Variants in TJP2 observed in about 807,000 individuals in gnomAD.
TJP2 encodes tight junction protein 2.
Under a neutral mutation model 133.1 loss-of-function variants are expected in TJP2, and 91 were observed. The observed-to-expected ratio is 0.68, with a 90% CI of 0.58 to 0.81. The LOEUF (loss-of-function observed/expected upper bound fraction) is 0.81, where lower values mean the gene tolerates loss of function less well. Ranked by LOEUF, TJP2 falls within the 40% of genes least tolerant of loss-of-function variation. The probability of loss-of-function intolerance (pLI) is 0.00; values close to 1 mark genes in which losing one functional copy is unlikely to be tolerated. For missense variants in TJP2, 1,541 were observed against 1,565.6 expected, an observed-to-expected ratio of 0.98 and a Z score of 0.26; for synonymous variants, 592 against 583.4, an observed-to-expected ratio of 1.01 and a Z score of -0.21.
chr9:69,166,036 T>C (rs1261817989), intron 2 of TJP2, among the ~76,000 whole-genome samples: 2 of 152,202 alleles, frequency 1.3e-5, no homozygotes, highest in African/African-American at 4.8e-5. Context: ...CCCAGGACTC[T>C]CCCCAAACAC....
chr9:69,174,491 C>CGT (rs2132937552), intron 1 of TJP2, 59 bp downstream of exon 1: 5 of 1,005,162 alleles, frequency 5.0e-6, no homozygotes, highest in Non-Finnish European at 7.2e-6. Flanking sequence ...AGCGTGGGAG[C>CGT]GCTGGGGGCT....
chr9:69,184,281 G>A (rs1173668854), intron 1 of TJP2, among the ~76,000 whole-genome samples: 19 of 152,176 alleles, frequency 1.2e-4, no homozygotes, highest in Admixed American at 1.2e-3. Flanking sequence ...CGCAAAAAAT[G>A]GAAGCCCACC....
Position 69,251,061 on chromosome 9 carries a change from C to G in TJP2, c.3018C>G (p.Ser1006=). ...PKAKTQNKEE[S]YDFSKSYEYK... Reference sequence around the variant, plus strand: ...CCAAAACCCAGAACAAAGAAGAATCCTATGACTTCTCCAAATCCTATGAAT... The same window carrying G: ...CCAAAACCCAGAACAAAGAAGAATCGTATGACTTCTCCAAATCCTATGAAT... The change falls in exon 21 of 23, where the codon TCC becomes TCG. Residue 1006 remains serine (S), a synonymous_variant. Coordinates refer to ENST00000377245, the MANE Select transcript of TJP2 (RefSeq NM_004817.4). 1 of 1,614,152 alleles carries G rather than the reference C, an allele frequency of 6.2e-7. No homozygotes were observed. Among genetic ancestry groups the G allele is most frequent in the Non-Finnish European group, 8.5e-7 (1 of 1,180,020 alleles).
intron 6 of TJP2, 38 bp from the exon 7 acceptor site, chr9:69,225,984 T>C (rs1829314609): frequency 6.2e-7 from 1 of 1,609,000 alleles, no homozygotes; most frequent in Non-Finnish European, 8.5e-7. Flanking sequence ...TGTGAATAAT[T>C]TTATTGCATT....
intron 2 of TJP2, among the ~76,000 whole-genome samples, chr9:69,161,154 C>T (rs748533812): frequency 3.9e-5 from 6 of 152,042 alleles, no homozygotes; most frequent in Admixed American, 2.6e-4. Context: ...TCAGCACATG[C>T]GTGCTGTGTC....
intron 3 of TJP2, 43 bp downstream of exon 3, chr9:69,216,506 G>A (rs755780391): frequency 1.2e-6 from 2 of 1,612,774 alleles, no homozygotes; most frequent in East Asian, 4.5e-5. Context: ...CAGCCCTACT[G>A]GTTGGCCCTA....
upstream of TJP2, chr9:69,174,229 A>G (rs1198046740): frequency 1.0e-5 from 15 of 1,476,184 alleles, no homozygotes; most frequent in Non-Finnish European, 1.4e-5. Context: ...GGAGGGACAA[A>G]GGGGTGGGTC....
chr9:69,174,247 G>A, upstream of TJP2: 2 of 1,517,590 alleles, frequency 1.3e-6, no homozygotes, highest in East Asian at 2.5e-5. Context: ...GTCCCCGCGG[G>A]TCGGCACCCC....
intron 2 of TJP2, among the ~76,000 whole-genome samples, chr9:69,153,879 G>A (rs549546622): frequency 4.6e-5 from 7 of 152,234 alleles, no homozygotes; most frequent in African/African-American, 1.4e-4. Context: ...TTGGCTTTCT[G>A]GGACGAATCA....
Position 69,222,389 on chromosome 9 carries a change from C to CT in TJP2, c.952+894dup, listed in dbSNP as rs200950728. On this transcript the variant is annotated intron_variant, in intron 5 of 22. Transcript: ENST00000377245. ...ACAGGTTGGCCAGGCTGGTCTCAAA[C>CT]TCCTGACCTCAGGTGATCTGCCCAC... Among the ~76,000 whole-genome samples, 1,181 of 152,088 alleles carry CT rather than the reference C, an allele frequency of 7.8e-3. 8 individuals are homozygous for CT. The highest frequency in any genetic ancestry group is 0.027 in the African/African-American group (1,120 of 41,486).
At chr9:69,169,079 A>T (rs1196111881) in intron 2 of TJP2, among the ~76,000 whole-genome samples, 1 of 152,140 alleles carries the variant, frequency 6.6e-6, no homozygotes, top group African/African-American at 2.4e-5. Context: ...AAAAAACATC[A>T]GGTCCTTCTG....
At chr9:69,244,593 C>T (rs1830799178) in intron 17 of TJP2, among the ~76,000 whole-genome samples, 1 of 152,172 alleles carries the variant, frequency 6.6e-6, no homozygotes, top group African/African-American at 2.4e-5. Flanking sequence ...TTAGGAGCAA[C>T]AGATAATTAA....
chr9:69,214,052 TATACTC>T (rs747954425), intron 2 of TJP2, among the ~76,000 whole-genome samples: 15 of 152,212 alleles, frequency 9.9e-5, no homozygotes, highest in Non-Finnish European at 1.9e-4. Context: ...TACAGTCAAA[TATACTC>T]ATATTATCTG....
Position 69,210,286 on chromosome 9 carries a change from C to T in TJP2, c.61-2262C>T, listed in dbSNP as rs1433428172. 6.2e-4 allele frequency among the ~76,000 whole-genome samples: 6 copies of T among 9,704 alleles called. 1 individual carries two copies. Among genetic ancestry groups the T allele is most frequent in the South Asian group, 9.8e-3 (2 of 204 alleles). 6.4% of individuals were successfully genotyped at this position (9,704 alleles called of 152,430 possible). ...CCTGGGTGACAGAGTGAGACCCCGT[C>T]CCCCCCCCCCCCCAAAAAAAAAAAA... On this transcript the variant is annotated intron_variant, in intron 1 of 22. Coordinates refer to ENST00000377245, the MANE Select transcript of TJP2 (RefSeq NM_004817.4).
chr9:69,252,992 T>TA, intron 22 of TJP2, 92 bp downstream of exon 22: 9 of 1,202,212 alleles, frequency 7.5e-6, no homozygotes, highest in Non-Finnish European at 1.1e-5. Flanking sequence ...AATTTCAGAG[T>TA]AACAGGAGGA....
At position 69,149,874 on chromosome 9, in the gene TJP2, T is replaced by G. The variant is rs184523318; in HGVS notation, c.-130-1777T>G. ...AAATATAAACACAAGCCTAGGCCAGTTGCGGTGGCTCATGCCTGTAATCCC... is the reference window on the plus strand; with the variant it reads ...AAATATAAACACAAGCCTAGGCCAGGTGCGGTGGCTCATGCCTGTAATCCC... On this transcript the variant is annotated intron_variant, in intron 1 of 5. Transcript: ENST00000423935. 4.9e-3 allele frequency among the ~76,000 whole-genome samples: 753 copies of G among 152,210 alleles called. 9 individuals are homozygous for G. Among genetic ancestry groups the G allele is most frequent in the African/African-American group, 0.017 (687 of 41,552 alleles).
At chr9:69,149,957 C>T (rs950112575) in intron 1 of TJP2, among the ~76,000 whole-genome samples, 6 of 152,022 alleles carry the variant, frequency 3.9e-5, no homozygotes, top group African/African-American at 9.7e-5. Flanking sequence ...CGACACCAGC[C>T]GGGCCAACGT....
chr9:69,185,150 C>T (rs1825774572), intron 1 of TJP2, among the ~76,000 whole-genome samples: 1 of 151,404 alleles, frequency 6.6e-6, no homozygotes, highest in African/African-American at 2.4e-5. Context: ...CGACCTCTGC[C>T]TCCCGGATTC....
intron 5 of TJP2, among the ~76,000 whole-genome samples, chr9:69,223,085 A>AG (rs1225290760): frequency 8.8e-6 from 1 of 113,390 alleles, no homozygotes; most frequent in Non-Finnish European, 1.9e-5. Context: ...AAAAAAAAAA[A>AG]AAAAAAGAAA....
Sources: allele counts gnomAD v4.1 joint callset (sites outside exome capture counted in the v4.1 genomes callset), GRCh38; gene constraint gnomAD v4.1.1; transcripts MANE v1.5; gene names NCBI Gene and HGNC (gene_info 2026-07-23, HGNC 2026-07-21).